PLCH1: variants seen among roughly 807,000 people sequenced by gnomAD.
PLCH1 encodes phospholipase C eta 1.
In PLCH1, 60 loss-of-function variants were observed where a neutral mutation model predicts 126.7. The ratio of observed to expected loss-of-function variants is 0.47; its 90% confidence interval spans 0.38 to 0.59. PLCH1 has a LOEUF of 0.59. PLCH1 is among the 20% of genes least tolerant of loss of function. The pLI is 0.00. For missense variants in PLCH1, 1,723 were observed against 2,040.0 expected, an observed-to-expected ratio of 0.84 and a Z score of 2.99; for synonymous variants, 719 against 734.9, an observed-to-expected ratio of 0.98 and a Z score of 0.35.
intron 2 of PLCH1, among the ~76,000 whole-genome samples, chr3:155,646,364 A>G (rs952422269): frequency 6.6e-6 from 1 of 151,906 alleles, no homozygotes; most frequent in African/African-American, 2.4e-5. Context: ...GTCCTTCAGC[A>G]CTCACCTTAG....
rs1714484652 is a variant in PLCH1, at chr3:155,483,314, T to A, written c.2975-263A>T. The A allele has an allele frequency of 2.1e-6, 3 of 1,436,680 alleles. No homozygotes were observed. In the East Asian group the frequency reaches 7.4e-5, roughly 36 times the overall value. 89.0% of individuals were successfully genotyped at this position (1,436,680 alleles called of 1,614,324 possible). On this transcript the variant is annotated intron_variant, in intron 22 of 22. Coordinates refer to ENST00000460012, the MANE Select transcript of PLCH1 (RefSeq NM_014996.4). ...TGTAATATTCATTGTCAAAAAAATG[T>A]CAATGAGTTACCATACTTTTACAGT...
At chr3:155,670,987 T>C (rs1049393214) in intron 2 of PLCH1, among the ~76,000 whole-genome samples, 2 of 152,168 alleles carry the variant, frequency 1.3e-5, no homozygotes, top group African/African-American at 2.4e-5. Flanking sequence ...AAGGAGGAGA[T>C]GTTAAATGGA....
intron 1 of PLCH1, chr3:155,743,550 A>G: frequency 4.4e-6 from 2 of 453,266 alleles, no homozygotes; most frequent in African/African-American, 2.0e-5. Flanking sequence ...AAAAAAGAAA[A>G]AGAAAATGAC....
At chr3:155,691,146 C>T (rs1745350333) in intron 2 of PLCH1, among the ~76,000 whole-genome samples, 2 of 152,088 alleles carry the variant, frequency 1.3e-5, no homozygotes, top group Admixed American at 6.6e-5. Flanking sequence ...AGTGGAAAAA[C>T]CCTGGATTTG....
At chr3:155,651,341 T>C (rs1315343430) in intron 2 of PLCH1, among the ~76,000 whole-genome samples, 1 of 152,136 alleles carries the variant, frequency 6.6e-6, no homozygotes, top group African/African-American at 2.4e-5. Context: ...GGTACAGTCA[T>C]GGTATTATAT....
At chr3:155,500,644 C>T (rs765142386) in intron 14 of PLCH1, 59 bp downstream of exon 14, 15 of 1,000,812 alleles carry the variant, frequency 1.5e-5, no homozygotes, top group Non-Finnish European at 2.4e-5. Flanking sequence ...AATGACTAAG[C>T]TGACAAGGAT....
intron 2 of PLCH1, among the ~76,000 whole-genome samples, chr3:155,696,339 A>G (rs554702013): frequency 6.6e-6 from 1 of 152,284 alleles, no homozygotes; most frequent in South Asian, 2.1e-4. Flanking sequence ...TTTGATAGAT[A>G]GGAGATTGGA....
chr3:155,511,913 A>G (rs1231890617), intron 12 of PLCH1, among the ~76,000 whole-genome samples: 2 of 152,086 alleles, frequency 1.3e-5, no homozygotes, highest in Admixed American at 6.5e-5. Context: ...TTGTTTACCT[A>G]AGCAAGCCTG....
chr3:155,636,694 C>T (rs1030726528), intron 2 of PLCH1, among the ~76,000 whole-genome samples: 1 of 150,704 alleles, frequency 6.6e-6, no homozygotes, highest in South Asian at 2.1e-4. Flanking sequence ...TGCAGTGAAC[C>T]GAGATCACGC....
In PLCH1 at chr3:155,658,151, G is replaced by A. The variant is rs188693549; in HGVS notation, c.79+45995C>T. ...GAAGATGTGCCTCGAAAGCTGTTGA[G>A]CCACAGCAAAAAGCCCTCAGTCAGC... is the stretch of plus-strand genomic sequence containing the variant. On this transcript the variant is annotated intron_variant, in intron 2 of 22. Coordinates refer to ENST00000460012, the MANE Select transcript of PLCH1 (RefSeq NM_014996.4). The A allele has an allele frequency of 1.1e-4, 23 of 217,042 alleles. No individual in the cohort carries two copies. The East Asian group carries it at 2.4e-3, about 22-fold the overall frequency. 13.4% of individuals were successfully genotyped at this position (217,042 alleles called of 1,614,324 possible).
downstream of PLCH1, among the ~76,000 whole-genome samples, chr3:155,477,675 G>T (rs1713601833): frequency 6.6e-6 from 1 of 152,096 alleles, no homozygotes; most frequent in Non-Finnish European, 1.5e-5. Flanking sequence ...TCAGAGAAAT[G>T]CAAATCAAAA....
chr3:155,657,160 A>G (rs1741490406), intron 2 of PLCH1, among the ~76,000 whole-genome samples: 1 of 152,170 alleles, frequency 6.6e-6, no homozygotes, highest in Non-Finnish European at 1.5e-5. Context: ...AACCAAGATG[A>G]GTAACCCACA....
At chr3:155,626,552 G>C (rs529842707) in intron 2 of PLCH1, among the ~76,000 whole-genome samples, 1 of 152,048 alleles carries the variant, frequency 6.6e-6, no homozygotes, top group East Asian at 1.9e-4. Flanking sequence ...GGTGGTTCAC[G>C]AGGTCAGGAG....
chr3:155,476,844 C>T (rs563736706), downstream of PLCH1, among the ~76,000 whole-genome samples: 404 of 152,166 alleles, frequency 2.7e-3, 2 homozygotes, highest in African/African-American at 9.2e-3. Context: ...TCTACAGATT[C>T]GATGCAATCC....
chr3:155,501,014 A>C (rs1321157227), intron 13 of PLCH1, among the ~76,000 whole-genome samples: 3 of 152,222 alleles, frequency 2.0e-5, no homozygotes, highest in African/African-American at 7.2e-5. Flanking sequence ...TCATGCTCAG[A>C]AACTGACTTC....
chr3:155,704,115 TC>T, intron 2 of PLCH1, 30 bp downstream of exon 2: 1 of 989,000 alleles, frequency 1.0e-6, no homozygotes, highest in Non-Finnish European at 1.3e-6. Context: ...AAATAAAAGA[TC>T]CAACTACATA....
rs1712887686 is a variant in PLCH1, at chr3:155,465,346, C to T, written c.2938+20010G>A. Among the ~76,000 whole-genome samples, 3 of 152,102 alleles carry T rather than the reference C, an allele frequency of 2.0e-5. 1 individual carries two copies. Among genetic ancestry groups the T allele is most frequent in the South Asian group, 4.1e-4 (2 of 4,822 alleles). On this transcript the variant is annotated intron_variant, in intron 21 of 21. Coordinates refer to the PLCH1 transcript ENST00000494598. Reference sequence around the variant, plus strand: ...AGTCATGAGACCCCTGTTCCAAACACTAGCTTCCAGATGACATTCTAGACA... The same window carrying T: ...AGTCATGAGACCCCTGTTCCAAACATTAGCTTCCAGATGACATTCTAGACA...
chr3:155,538,991 C>T (rs574700329), intron 10 of PLCH1, among the ~76,000 whole-genome samples: 246 of 149,770 alleles, frequency 1.6e-3, no homozygotes, highest in African/African-American at 5.7e-3. Flanking sequence ...TGAACATAGA[C>T]GCAAAAATCC....
At chr3:155,497,532 G>A in intron 14 of PLCH1, 115 bp from the exon 15 acceptor site, 2 of 718,168 alleles carry the variant, frequency 2.8e-6, no homozygotes, top group Admixed American at 2.3e-5. Context: ...ACCTGCCCCA[G>A]GTCCTAAGGG....
Sources: allele counts gnomAD v4.1 joint callset (sites outside exome capture counted in the v4.1 genomes callset), GRCh38; gene constraint gnomAD v4.1.1; transcripts MANE v1.5; gene names NCBI Gene and HGNC (gene_info 2026-07-23, HGNC 2026-07-21).